The following SHROOM3 variants were observed in gnomAD, a reference collection of about 807,000 sequenced individuals.
SHROOM3 encodes protein Shroom3.
A neutral mutation model predicts 138.6 loss-of-function variants in SHROOM3; 47 were observed. The ratio of observed to expected loss-of-function variants is 0.34; its 90% confidence interval spans 0.27 to 0.43. The LOEUF is 0.43. Ranked by LOEUF, SHROOM3 falls within the 20% of genes least tolerant of loss-of-function variation. The probability of loss-of-function intolerance (pLI) is 1.00; values close to 1 mark genes in which losing one functional copy is unlikely to be tolerated. For missense variants in SHROOM3, 2,491 were observed against 2,596.5 expected (o/e 0.96, Z 0.88); for synonymous variants, 1,062 against 1,063.3 (o/e 1.00, Z 0.02).
intron 2 of SHROOM3, among the ~76,000 whole-genome samples, chr4:76,644,820 C>T (rs914970066): frequency 6.6e-6 from 1 of 152,134 alleles, no homozygotes; most frequent in Non-Finnish European, 1.5e-5. Context: ...TAGATTCTTA[C>T]CTCAATGCCA....
chr4:76,493,224 C>CA (rs35837765), intron 1 of SHROOM3, among the ~76,000 whole-genome samples: 9,723 of 53,938 alleles, frequency 0.18, 911 homozygotes, highest in East Asian at 0.34. Context: ...AACTCCATCT[C>CA]AAAAAAAAAA....
intron 2 of SHROOM3, among the ~76,000 whole-genome samples, chr4:76,692,293 A>C (rs1276893133): frequency 6.6e-6 from 1 of 152,242 alleles, no homozygotes; most frequent in Non-Finnish European, 1.5e-5. Context: ...GGGCATGAAC[A>C]ATGGTCATTC....
chr4:76,749,182 G>A (rs1721544710), intron 6 of SHROOM3, 92 bp downstream of exon 6: 7 of 1,172,864 alleles, frequency 6.0e-6, no homozygotes, highest in Non-Finnish European at 8.9e-6. Context: ...GAAATGTGAT[G>A]TCATATAGTG....
chr4:76,763,269 C>A (rs916126910), intron 9 of SHROOM3, among the ~76,000 whole-genome samples: 4 of 152,030 alleles, frequency 2.6e-5, no homozygotes, highest in Admixed American at 2.0e-4. Flanking sequence ...CAACTGTAAT[C>A]CCAGCTACTC....
chr4:76,528,340 CTTCTT>C (rs1246930833), intron 1 of SHROOM3, among the ~76,000 whole-genome samples: 1 of 50,124 alleles, frequency 2.0e-5, no homozygotes, highest in African/African-American at 8.5e-5. Flanking sequence ...TCTTCTTCTT[CTTCTT>C]TTTTTTTTTT....
chr4:76,728,239 T>A (rs1396285647), intron 3 of SHROOM3, among the ~76,000 whole-genome samples: 4 of 152,190 alleles, frequency 2.6e-5, no homozygotes, highest in Non-Finnish European at 5.9e-5. Context: ...TTTGGCTGTG[T>A]CCCCAACAAA....
At chr4:76,593,976 G>C (rs1734330085) in intron 2 of SHROOM3, among the ~76,000 whole-genome samples, 1 of 152,190 alleles carries the variant, frequency 6.6e-6, no homozygotes, top group South Asian at 2.1e-4. Context: ...GTGGACTGGA[G>C]CTGTTTTTTC....
chr4:76,687,419 G>C (rs1214750792), intron 2 of SHROOM3, among the ~76,000 whole-genome samples: 1 of 152,206 alleles, frequency 6.6e-6, no homozygotes, highest in Non-Finnish European at 1.5e-5. Context: ...ATCTTTAATA[G>C]TGGCTGGGAG....
At chr4:76,776,342 A>G (rs1722568348) in intron 10 of SHROOM3, among the ~76,000 whole-genome samples, 1 of 152,136 alleles carries the variant, frequency 6.6e-6, no homozygotes, top group Admixed American at 6.5e-5. Flanking sequence ...GATTCTGGAT[A>G]TTAGTTCTTT....
intron 1 of SHROOM3, among the ~76,000 whole-genome samples, chr4:76,444,406 C>T (rs1429883464): frequency 6.7e-6 from 1 of 149,556 alleles, no homozygotes; most frequent in Non-Finnish European, 1.5e-5. Context: ...TCTACCCTAG[C>T]TTTTACTGGC....
intron 1 of SHROOM3, among the ~76,000 whole-genome samples, chr4:76,443,119 T>C (rs1042805024): frequency 6.6e-6 from 1 of 152,244 alleles, no homozygotes; most frequent in Admixed American, 6.5e-5. Flanking sequence ...ACTCATGTTT[T>C]TCTTTAACTT....
intron 1 of SHROOM3, among the ~76,000 whole-genome samples, chr4:76,552,529 T>C (rs1166842662): frequency 6.6e-6 from 1 of 150,676 alleles, no homozygotes; most frequent in Non-Finnish European, 1.5e-5. Context: ...TATATGTATA[T>C]AGATATATCA....
chr4:76,512,463 A>T (rs143081269), intron 1 of SHROOM3, among the ~76,000 whole-genome samples: 1 of 152,144 alleles, frequency 6.6e-6, no homozygotes, highest in African/African-American at 2.4e-5. Flanking sequence ...AAACTGGCAG[A>T]TCTGGAATGT....
intron 3 of SHROOM3, among the ~76,000 whole-genome samples, chr4:76,724,371 G>C (rs1720638566): frequency 6.6e-6 from 1 of 151,680 alleles, no homozygotes; most frequent in Non-Finnish European, 1.5e-5. Context: ...TGCTCTTTAG[G>C]AATGCTTATT....
intron 7 of SHROOM3, 48 bp downstream of exon 7, chr4:76,755,240 A>T (rs1236985731): frequency 1.9e-6 from 3 of 1,596,538 alleles, no homozygotes; most frequent in Non-Finnish European, 2.6e-6. Flanking sequence ...GGAGAGTGTC[A>T]TGCCCCAGGT....
rs1349829518 is a variant in SHROOM3, at chr4:76,541,115, T to C, written c.169-14494T>C. 3.3e-5 allele frequency among the ~76,000 whole-genome samples: 5 copies of C among 152,354 alleles called. No individual in the cohort carries two copies. In the East Asian group the frequency reaches 5.8e-4, roughly 18 times the overall value. On this transcript the variant is annotated intron_variant, in intron 1 of 10. Transcript: ENST00000296043. ...CCTTATTTGTAAAACGTTTTACATA[T>C]ACATCCCCTATATGTACGTTATAAT...
intron 1 of SHROOM3, among the ~76,000 whole-genome samples, chr4:76,469,025 T>C (rs565744317): frequency 1.4e-5 from 2 of 147,004 alleles, no homozygotes; most frequent in Non-Finnish European, 3.0e-5. Context: ...CAGAGCGAGA[T>C]TCCATCTCCA....
intron 1 of SHROOM3, among the ~76,000 whole-genome samples, chr4:76,487,980 CT>C (rs1163698775): frequency 6.6e-6 from 1 of 152,142 alleles, no homozygotes; most frequent in East Asian, 1.9e-4. Flanking sequence ...GTGAAAAGAA[CT>C]TTTAATATGT....
intron 2 of SHROOM3, among the ~76,000 whole-genome samples, chr4:76,626,436 C>G (rs1735146135): frequency 6.6e-6 from 1 of 152,230 alleles, no homozygotes; most frequent in South Asian, 2.1e-4. Context: ...ACTATTCCTT[C>G]TTAAATACAT....
Sources: gnomAD v4.1 joint callset for allele counts (sites outside exome capture counted in the v4.1 genomes callset) on GRCh38, gnomAD v4.1.1 for gene constraint, MANE v1.5 for transcripts, NCBI Gene and HGNC (gene_info 2026-07-23, HGNC 2026-07-21) for gene names.